ARID4B: variants seen among roughly 807,000 people sequenced by gnomAD.
The protein encoded by ARID4B is AT-rich interaction domain 4B, also known as AT-rich interactive domain-containing protein 4B.
In ARID4B, 26 loss-of-function variants were observed where a neutral mutation model predicts 147.5. The ratio of observed to expected loss-of-function variants is 0.18; its 90% CI spans 0.13 to 0.24. The LOEUF (loss-of-function observed/expected upper bound fraction) is 0.24. Ranked by LOEUF, ARID4B falls within the 10% of genes least tolerant of loss-of-function variation. The probability of loss-of-function intolerance (pLI) is 1.00; values close to 1 mark genes in which losing one functional copy is unlikely to be tolerated. For synonymous variants in ARID4B, 512 were observed against 507.9 expected (o/e 1.01, Z -0.11); for missense variants, 1,179 against 1,511.5 (o/e 0.78, Z 3.65).
At chr1:235,230,969 TA>T in intron 10 of ARID4B, 143 bp downstream of exon 10, 1 of 584,242 alleles carries the variant, frequency 1.7e-6, no homozygotes, top group Non-Finnish European at 3.0e-6. Context: ...CATGGGTTTA[TA>T]AAAATAAAGG....
chr1:235,172,587 A>G (rs1558163874), intron 23 of ARID4B, 31 bp downstream of exon 23: 1 of 1,399,998 alleles, frequency 7.1e-7, no homozygotes, highest in Non-Finnish European at 9.5e-7. Context: ...CAAAATAAAT[A>G]AATAAATAAA....
At chr1:235,201,946 T>A (rs954489580) in intron 17 of ARID4B, among the ~76,000 whole-genome samples, 5 of 151,588 alleles carry the variant, frequency 3.3e-5, no homozygotes, top group Non-Finnish European at 5.9e-5. Context: ...ATTCAAGCAA[T>A]ACAGTTTTCT....
chr1:235,265,492 A>C (rs1210529143), intron 2 of ARID4B, among the ~76,000 whole-genome samples: 2 of 152,028 alleles, frequency 1.3e-5, no homozygotes, highest in Non-Finnish European at 2.9e-5. Flanking sequence ...TGAGCCCAGG[A>C]GTTCAAAACC....
intron 2 of ARID4B, among the ~76,000 whole-genome samples, chr1:235,302,181 C>CAAAAAAAAAAAAA (rs1364335066): frequency 2.6e-5 from 1 of 38,120 alleles, no homozygotes. Context: ...AAAAAAACAG[C>CAAAAAAAAAAAAA]AAAAAAAAAC....
intron 18 of ARID4B, among the ~76,000 whole-genome samples, chr1:235,194,828 A>G (rs1665384943): frequency 6.6e-6 from 1 of 152,150 alleles, no homozygotes; most frequent in Non-Finnish European, 1.5e-5. Context: ...TCAAAAAAAC[A>G]AGAAAAAAAA....
chr1:235,309,048 G>A lies in ARID4B; in HGVS notation c.6+17866C>T, dbSNP rs1451545978. ...AAGTGAGGAGCGCCTCTTCCCGGCC[G>A]CCATCCCATCTAGGAAGTGAGGAGC... On this transcript the variant is annotated intron_variant, in intron 2 of 23. Coordinates refer to ENST00000264183, the MANE Select transcript of ARID4B (RefSeq NM_016374.6). Among the ~76,000 whole-genome samples, 6 of 151,268 alleles carry A rather than the reference G, an allele frequency of 4.0e-5. No homozygotes were observed. The East Asian group carries it at 5.9e-4, about 15-fold the overall frequency.
At chr1:235,213,692 C>A in intron 17 of ARID4B, 77 bp downstream of exon 17, 1 of 1,429,504 alleles carries the variant, frequency 7.0e-7, no homozygotes, top group Non-Finnish European at 9.4e-7. Flanking sequence ...ATCTGTAATC[C>A]ATTACTTAAG....
At chr1:235,266,166 T>C (rs1426188712) in intron 2 of ARID4B, among the ~76,000 whole-genome samples, 1 of 152,114 alleles carries the variant, frequency 6.6e-6, no homozygotes, top group Admixed American at 6.5e-5. Context: ...TAAAAGTGTA[T>C]CACGACCCCT....
At chr1:235,301,357 G>A (rs1001193611) in intron 2 of ARID4B, among the ~76,000 whole-genome samples, 10 of 151,600 alleles carry the variant, frequency 6.6e-5, no homozygotes, top group African/African-American at 2.4e-4. Context: ...GGGCAACATG[G>A]TGAAACCTTG....
At chr1:235,231,960 T>C (rs890840180) in intron 9 of ARID4B, among the ~76,000 whole-genome samples, 1 of 152,072 alleles carries the variant, frequency 6.6e-6, no homozygotes, top group African/African-American at 2.4e-5. Flanking sequence ...ACTAAAAAAG[T>C]AAGCAAAGAA....
intron 17 of ARID4B, among the ~76,000 whole-genome samples, chr1:235,196,808 C>T (rs892157755): frequency 1.3e-4 from 19 of 146,710 alleles, no homozygotes; most frequent in Non-Finnish European, 1.8e-4. Context: ...GCTGAGATCG[C>T]GCCACTGCAC....
intron 20 of ARID4B, among the ~76,000 whole-genome samples, chr1:235,179,153 A>C (rs1052955942): frequency 2.0e-4 from 31 of 152,314 alleles, no homozygotes; most frequent in African/African-American, 6.7e-4. Flanking sequence ...GTAAAACTTA[A>C]ATTTTAACTT....
chr1:235,215,547 A>ATATGTGTG (rs1553293242), intron 16 of ARID4B, among the ~76,000 whole-genome samples: 40 of 136,492 alleles, frequency 2.9e-4, no homozygotes, highest in African/African-American at 9.9e-4. Context: ...ACACATATAT[A>ATATGTGTG]TGTGTGTGTG....
intron 2 of ARID4B, among the ~76,000 whole-genome samples, chr1:235,314,300 G>A (rs1674280612): frequency 5.3e-5 from 8 of 151,968 alleles, no homozygotes; most frequent in Admixed American, 5.2e-4. Context: ...TAACTGCTCA[G>A]AACTATGCCA....
At chr1:235,271,015 C>T (rs1670947244) in intron 2 of ARID4B, among the ~76,000 whole-genome samples, 2 of 151,856 alleles carry the variant, frequency 1.3e-5, no homozygotes, top group African/African-American at 2.4e-5. Flanking sequence ...TAACAAGTCA[C>T]TAAAGACAGC....
intron 2 of ARID4B, among the ~76,000 whole-genome samples, chr1:235,301,038 CTTTT>C (rs780839339): frequency 2.7e-5 from 3 of 112,280 alleles, no homozygotes; most frequent in Admixed American, 8.8e-5. Context: ...TTTAAGTATT[CTTTT>C]TTTTTTTTTT....
At chr1:235,234,816 G>C (rs1056901853) in intron 8 of ARID4B, among the ~76,000 whole-genome samples, 1 of 152,162 alleles carries the variant, frequency 6.6e-6, no homozygotes, top group Non-Finnish European at 1.5e-5. Flanking sequence ...CTTAACTGAA[G>C]GGATACATCA....
At chr1:235,173,618 T>C in intron 22 of ARID4B, among the ~76,000 whole-genome samples, 1 of 149,834 alleles carries the variant, frequency 6.7e-6, no homozygotes, top group South Asian at 2.1e-4. Flanking sequence ...ACATATTGGC[T>C]GGGTGTGGTG....
intron 16 of ARID4B, among the ~76,000 whole-genome samples, chr1:235,217,369 C>T (rs1667160216): frequency 2.0e-5 from 3 of 151,834 alleles, no homozygotes; most frequent in Admixed American, 2.0e-4. Context: ...AACCAACATA[C>T]ATACAGGTTA....
Sources: gnomAD v4.1 joint callset for allele counts (sites outside exome capture counted in the v4.1 genomes callset) on GRCh38, gnomAD v4.1.1 for gene constraint, MANE v1.5 for transcripts, NCBI Gene and HGNC (gene_info 2026-07-23, HGNC 2026-07-21) for gene names.